The following MYOM2 variants were observed in gnomAD, a reference collection of about 807,000 sequenced individuals.
MYOM2 encodes myomesin 2.
MYOM2 carries 254 observed loss-of-function variants against 187.6 expected under a neutral mutation model. The observed-to-expected ratio is 1.35, with a 90% confidence interval of 1.22 to 1.50. The LOEUF (loss-of-function observed/expected upper bound fraction) is 1.50, where lower values mean the gene tolerates loss of function less well. Among genes scored for constraint, MYOM2 ranks in the 40% most tolerant of loss-of-function variants. The pLI is 0.00. For synonymous variants in MYOM2, 981 were observed against 753.8 expected (o/e 1.30, Z -4.94); for missense variants, 2,796 against 1,924.0 (o/e 1.45, Z -8.48).
chr8:2,092,215 C>A, intron 15 of MYOM2, 131 bp from the exon 16 acceptor site: 2 of 1,086,170 alleles, frequency 1.8e-6, no homozygotes, highest in East Asian at 4.7e-5. Flanking sequence ...ACTCCTGGAC[C>A]CCTTGTCTGA....
intron 6 of MYOM2, 90 bp downstream of exon 6, chr8:2,059,335 A>C (rs1818776682): frequency 9.1e-7 from 1 of 1,103,894 alleles, no homozygotes; most frequent in Non-Finnish European, 1.3e-6. Context: ...ACTGGAGGCC[A>C]AATCACACCT....
chr8:2,079,456 A>G, intron 12 of MYOM2, 104 bp from the exon 13 acceptor site: 1 of 1,082,058 alleles, frequency 9.2e-7, no homozygotes, highest in South Asian at 1.3e-5. Flanking sequence ...CACAGGTTGT[A>G]GTCCTAATGC....
chr8:2,064,643 G>A (rs540100047), intron 6 of MYOM2, among the ~76,000 whole-genome samples: 1 of 152,338 alleles, frequency 6.6e-6, no homozygotes, highest in South Asian at 2.1e-4. Flanking sequence ...CAGTGCTAAT[G>A]CGCGAGGTTG....
intron 13 of MYOM2, among the ~76,000 whole-genome samples, chr8:2,084,752 C>T (rs1000031197): frequency 2.6e-5 from 4 of 152,130 alleles, no homozygotes; most frequent in Non-Finnish European, 5.9e-5. Flanking sequence ...TGGTACTGAG[C>T]TTTTGAGGGA....
intron 31 of MYOM2, 87 bp downstream of exon 31, chr8:2,124,304 G>C: frequency 2.3e-6 from 3 of 1,326,318 alleles, no homozygotes; most frequent in Non-Finnish European, 3.2e-6. Context: ...GCAAAAGAGG[G>C]CACCATGGAG....
intron 15 of MYOM2, among the ~76,000 whole-genome samples, chr8:2,092,099 T>C (rs1197154063): frequency 6.6e-6 from 1 of 152,068 alleles, no homozygotes; most frequent in Non-Finnish European, 1.5e-5. Context: ...GGATTCAGGA[T>C]GGATGTCATC....
chr8:2,134,020 C>T (rs1797968420), intron 32 of MYOM2, among the ~76,000 whole-genome samples: 1 of 152,126 alleles, frequency 6.6e-6, no homozygotes, highest in Non-Finnish European at 1.5e-5. Context: ...TGTGTAGCCA[C>T]CTCCACCGTC....
In MYOM2 at chr8:2,105,851, G is replaced by T. The variant is rs891785620; in HGVS notation, c.2735-391G>T. 5.3e-5 allele frequency among the ~76,000 whole-genome samples: 8 copies of T among 152,248 alleles called. No homozygotes were observed. In the South Asian group the frequency reaches 1.5e-3, roughly 28 times the overall value. On this transcript the variant is annotated intron_variant, in intron 21 of 36. Transcript: ENST00000262113. ...TCGGCATTAGTCCGTTCTCACGCTG[G>T]TATGAAGAAATATCTGAGACTGGGT...
At chr8:2,088,835 C>G (rs1664406698) in intron 14 of MYOM2, among the ~76,000 whole-genome samples, 1 of 152,234 alleles carries the variant, frequency 6.6e-6, no homozygotes, top group South Asian at 2.1e-4. Context: ...TGAGAAGTCT[C>G]TAAACTGCTT....
At position 2,106,225 on chromosome 8, in the gene MYOM2, A is replaced by G. The variant is rs199507803; in HGVS notation, c.2735-17A>G. 53 of 1,613,658 alleles carry G rather than the reference A, an allele frequency of 3.3e-5. No homozygotes were observed. The highest frequency in any genetic ancestry group is 8.0e-5 in the African/African-American group (6 of 75,028). ...ACCGTGTCCCTAAGCCGCTCACTTCATACTCTTCTTATGCAGGCACCAAGG... is the reference window on the plus strand; with the variant it reads ...ACCGTGTCCCTAAGCCGCTCACTTCGTACTCTTCTTATGCAGGCACCAAGG... On this transcript the variant is annotated splice_polypyrimidine_tract_variant and intron_variant, in intron 21 of 36. Transcript: ENST00000262113.
At chr8:2,093,048 G>C (rs1224805120) in intron 16 of MYOM2, among the ~76,000 whole-genome samples, 1 of 152,158 alleles carries the variant, frequency 6.6e-6, no homozygotes, top group African/African-American at 2.4e-5. Context: ...CCTGCTGCCT[G>C]CTGAGTGTGC....
At chr8:2,050,623 C>T (rs1818450562) in intron 1 of MYOM2, 132 bp from the exon 2 acceptor site, 1 of 536,486 alleles carries the variant, frequency 1.9e-6, no homozygotes, top group Non-Finnish European at 3.4e-6. Flanking sequence ...GCCATGTAAT[C>T]TTTCATTTTT....
intron 32 of MYOM2, among the ~76,000 whole-genome samples, chr8:2,129,495 C>G (rs543645119): frequency 3.3e-5 from 5 of 152,170 alleles, no homozygotes; most frequent in Non-Finnish European, 7.3e-5. Context: ...CCAAAGGTGG[C>G]TTTACTGGTA....
chr8:2,099,625 G>A (rs1796615265), intron 19 of MYOM2, among the ~76,000 whole-genome samples: 1 of 152,104 alleles, frequency 6.6e-6, no homozygotes, highest in Non-Finnish European at 1.5e-5. Context: ...TCTCTATGTT[G>A]CCCAGGCTGG....
At chr8:2,118,037 G>C (rs1256970690) in intron 28 of MYOM2, 85 bp downstream of exon 28, 1 of 1,195,694 alleles carries the variant, frequency 8.4e-7, no homozygotes, top group Non-Finnish European at 1.2e-6. Context: ...GCTGTGGCCA[G>C]ATCTGTGATG....
chr8:2,116,038 ACCT>A lies in MYOM2; in HGVS notation c.3260_3262del (p.Thr1087_Tyr1088delinsAsn). The A allele has an allele frequency of 1.9e-6, 3 of 1,614,030 alleles. No individual in the cohort carries two copies. The highest frequency in any genetic ancestry group is 2.5e-6 in the Non-Finnish European group (3 of 1,179,968). On this transcript the variant is annotated inframe_deletion, in exon 26 of 37. Coordinates refer to ENST00000262113, the MANE Select transcript of MYOM2 (RefSeq NM_003970.4). Reference sequence around the variant, plus strand: ...TCGATTTAGTATTGAAAATGAGGGGACCTACACTGTGCAGATTCATGATGGGAA... The same window carrying A: ...TCGATTTAGTATTGAAAATGAGGGGAACACTGTGCAGATTCATGATGGGAA...
At chr8:2,074,073 C>T (rs1378059441) in intron 10 of MYOM2, among the ~76,000 whole-genome samples, 1 of 152,096 alleles carries the variant, frequency 6.6e-6, no homozygotes, top group East Asian at 1.9e-4. Context: ...ACACGGATTT[C>T]GTCTTCACAG....
At chr8:2,048,971 T>C (rs962767247) in intron 1 of MYOM2, among the ~76,000 whole-genome samples, 5 of 151,914 alleles carry the variant, frequency 3.3e-5, no homozygotes, top group African/African-American at 1.2e-4. Flanking sequence ...TGTATTTTTT[T>C]TAGTAGAGAC....
chr8:2,106,982 A>C lies in MYOM2; in HGVS notation c.2998+385A>C, dbSNP rs3817709. On this transcript the variant is annotated intron_variant, in intron 23 of 36. Coordinates refer to ENST00000262113, the MANE Select transcript of MYOM2 (RefSeq NM_003970.4). ...CCAACACTGAGAAATCAGATGATCA[A>C]AGAAAAATTTTTTTATGCATGTAAA... Among the ~76,000 whole-genome samples the C allele has an allele frequency of 1.8e-3, 281 of 152,152 alleles. 2 individuals carry two copies. The highest frequency in any genetic ancestry group is 6.3e-3 in the African/African-American group (262 of 41,488).
Sources: gnomAD v4.1 joint callset for allele counts (sites outside exome capture counted in the v4.1 genomes callset) on GRCh38, gnomAD v4.1.1 for gene constraint, MANE v1.5 for transcripts, NCBI Gene and HGNC (gene_info 2026-07-23, HGNC 2026-07-21) for gene names.